Variants in FAM135B observed in about 807,000 individuals in gnomAD.
FAM135B encodes family with sequence similarity 135 member B.
Under a neutral mutation model 127.7 loss-of-function variants are expected in FAM135B, and 43 were observed. The observed-to-expected ratio is 0.34, with a 90% CI of 0.26 to 0.43. The LOEUF is 0.43. Ranked by LOEUF, FAM135B falls within the 20% of genes least tolerant of loss-of-function variation. FAM135B has a pLI of 1.00. For synonymous variants in FAM135B, 670 were observed against 665.1 expected, an observed-to-expected ratio of 1.01 and a Z score of -0.11; for missense variants, 1,558 against 1,725.6, an observed-to-expected ratio of 0.90 and a Z score of 1.72.
chr8:138,300,006 C>T (rs945071030), intron 3 of FAM135B, among the ~76,000 whole-genome samples: 15 of 152,036 alleles, frequency 9.9e-5, no homozygotes, highest in Admixed American at 7.2e-4. Context: ...CTCGCTCTAT[C>T]GCCCAGGCTG....
chr8:138,364,153 C>A (rs1003977990), intron 2 of FAM135B, among the ~76,000 whole-genome samples: 14 of 152,188 alleles, frequency 9.2e-5, no homozygotes, highest in African/African-American at 3.4e-4. Context: ...CCATGGAACA[C>A]TTGCTGGATA....
At chr8:138,392,084 A>G (rs16909078) in intron 1 of FAM135B, among the ~76,000 whole-genome samples, 3,179 of 152,336 alleles carry the variant, frequency 0.021, 98 homozygotes, top group African/African-American at 0.071. Flanking sequence ...CAAATAACAT[A>G]TGGAAACACC....
intron 6 of FAM135B, among the ~76,000 whole-genome samples, chr8:138,246,273 G>A (rs1440189596): frequency 6.6e-6 from 1 of 152,204 alleles, no homozygotes; most frequent in African/African-American, 2.4e-5. Flanking sequence ...TGGGGAAAAT[G>A]TCTCTAGGGC....
intron 7 of FAM135B, among the ~76,000 whole-genome samples, chr8:138,240,406 A>T (rs1820660627): frequency 6.6e-6 from 1 of 152,224 alleles, no homozygotes; most frequent in South Asian, 2.1e-4. Flanking sequence ...CACACACGTC[A>T]GCAGAGATGC....
intron 5 of FAM135B, among the ~76,000 whole-genome samples, chr8:138,254,912 A>C (rs1821961909): frequency 6.6e-6 from 1 of 152,192 alleles, no homozygotes; most frequent in East Asian, 1.9e-4. Context: ...TCTTTGGTTC[A>C]AATCCCCTTG....
At chr8:138,416,923 A>T (rs1834192903) in intron 1 of FAM135B, among the ~76,000 whole-genome samples, 1 of 152,128 alleles carries the variant, frequency 6.6e-6, no homozygotes, top group African/African-American at 2.4e-5. Context: ...GGTGTGTGAA[A>T]GAGGCATGGA....
chr8:138,321,004 A>G (rs539422829), intron 2 of FAM135B, among the ~76,000 whole-genome samples: 1 of 152,310 alleles, frequency 6.6e-6, no homozygotes, highest in East Asian at 1.9e-4. Flanking sequence ...GACATCTGAC[A>G]TGACCTAAAA....
At chr8:138,216,954 C>A (rs1461699630) in intron 7 of FAM135B, among the ~76,000 whole-genome samples, 1 of 152,200 alleles carries the variant, frequency 6.6e-6, no homozygotes, top group Non-Finnish European at 1.5e-5. Context: ...AGCTTCTTCA[C>A]TGTATGGTTA....
At position 138,400,837 on chromosome 8, in the gene FAM135B, T is replaced by C. The variant is rs182704173; in HGVS notation, c.-19-32835A>G. On this transcript the variant is annotated intron_variant, in intron 1 of 19. Transcript: ENST00000395297. ...GTCTGTGTTCCAAAACACCAAAATG[T>C]ATGAGAAATAGTGTCTCCAAATAAG... Among the ~76,000 whole-genome samples, 490 of 152,304 alleles carry C rather than the reference T, an allele frequency of 3.2e-3. 1 individual carries two copies. Among genetic ancestry groups the C allele is most frequent in the Non-Finnish European group, 6.0e-3 (411 of 68,024 alleles).
At chr8:138,233,985 T>A (rs1236942419) in intron 7 of FAM135B, among the ~76,000 whole-genome samples, 1 of 152,118 alleles carries the variant, frequency 6.6e-6, no homozygotes, top group African/African-American at 2.4e-5. Flanking sequence ...AAATGAGATA[T>A]CAATTCACAC....
chr8:138,366,115 A>G (rs563967576), intron 2 of FAM135B, among the ~76,000 whole-genome samples: 1 of 152,258 alleles, frequency 6.6e-6, no homozygotes, highest in Non-Finnish European at 1.5e-5. Context: ...AATGAGAGAA[A>G]CTTAGCTTCA....
intron 3 of FAM135B, among the ~76,000 whole-genome samples, chr8:138,272,595 A>T (rs1367308581): frequency 6.6e-6 from 1 of 152,222 alleles, no homozygotes; most frequent in Non-Finnish European, 1.5e-5. Context: ...CTTAATTATA[A>T]ACCATTGTGA....
chr8:138,335,257 G>C (rs888164882), intron 2 of FAM135B, among the ~76,000 whole-genome samples: 5 of 152,124 alleles, frequency 3.3e-5, no homozygotes, highest in African/African-American at 1.2e-4. Context: ...GTCCCACAGA[G>C]GTGAGAGGAA....
At chr8:138,309,843 CTT>C (rs1374906910) in intron 3 of FAM135B, among the ~76,000 whole-genome samples, 1 of 146,786 alleles carries the variant, frequency 6.8e-6, no homozygotes, top group Non-Finnish European at 1.5e-5. Flanking sequence ...CTACCCTACT[CTT>C]TAAGTCTTTC....
rs1159344249 is a variant in FAM135B at position 138,130,972 on chromosome 8, C to T, written c.*1621G>A. ...CTCTGCCTTTGCAAGACATTCAACTCTCCCTCAACGACCCTCTCTTTCTTC... is the reference window on the plus strand; with the variant it reads ...CTCTGCCTTTGCAAGACATTCAACTTTCCCTCAACGACCCTCTCTTTCTTC... On this transcript the variant is annotated 3_prime_UTR_variant, in exon 20 of 20. Transcript: ENST00000395297. 1 of 152,250 alleles carries T rather than the reference C, an allele frequency of 6.6e-6. No homozygotes were observed. The highest frequency in any genetic ancestry group is 1.5e-5 in the Non-Finnish European group (1 of 68,080). The allele number at this position is 152,250 out of a possible 1,614,324, so 9.4% of individuals were successfully genotyped here. A position where few individuals can be genotyped will look rare whatever the true frequency, so the allele number is the denominator to read the frequency against.
At chr8:138,177,053 T>C (rs1051060561) in intron 11 of FAM135B, among the ~76,000 whole-genome samples, 11 of 152,230 alleles carry the variant, frequency 7.2e-5, no homozygotes, top group African/African-American at 2.4e-4. Context: ...CTAATTCATT[T>C]CGCAGAGGAC....
intron 2 of FAM135B, among the ~76,000 whole-genome samples, chr8:138,345,439 G>C (rs1489726775): frequency 1.3e-5 from 2 of 152,200 alleles, no homozygotes; most frequent in African/African-American, 4.8e-5. Flanking sequence ...CAGGGGCAAA[G>C]CTTGGAGGTA....
intron 1 of FAM135B, among the ~76,000 whole-genome samples, chr8:138,473,203 G>A (rs1391408166): frequency 6.6e-6 from 1 of 152,100 alleles, no homozygotes; most frequent in East Asian, 1.9e-4. Flanking sequence ...GAACCTCAAA[G>A]TGAGCACTAA....
intron 4 of FAM135B, among the ~76,000 whole-genome samples, chr8:138,258,164 A>G (rs1483037618): frequency 6.6e-6 from 1 of 152,208 alleles, no homozygotes; most frequent in Non-Finnish European, 1.5e-5. Context: ...CTGCATAGAA[A>G]GTATCAATGC....
Sources: allele counts gnomAD v4.1 joint callset (sites outside exome capture counted in the v4.1 genomes callset), GRCh38; gene constraint gnomAD v4.1.1; transcripts MANE v1.5; gene names NCBI Gene and HGNC (gene_info 2026-07-23, HGNC 2026-07-21).